ZFPM2: variants seen among roughly 807,000 people sequenced by gnomAD.
ZFPM2 encodes zinc finger protein ZFPM2.
ZFPM2 carries 20 observed loss-of-function variants against 98.6 expected under a neutral mutation model. The ratio of observed to expected loss-of-function variants is 0.20; its 90% CI spans 0.14 to 0.29. The LOEUF (loss-of-function observed/expected upper bound fraction) is 0.29. ZFPM2 is among the 10% of genes least tolerant of loss of function. ZFPM2 has a pLI of 1.00. For missense variants in ZFPM2, 1,310 were observed against 1,388.6 expected, an observed-to-expected ratio of 0.94 and a Z score of 0.90; for synonymous variants, 518 against 502.7, an observed-to-expected ratio of 1.03 and a Z score of -0.41.
At chr8:105,584,327 T>C (rs893102233) in intron 4 of ZFPM2, among the ~76,000 whole-genome samples, 1 of 152,120 alleles carries the variant, frequency 6.6e-6, no homozygotes, top group African/African-American at 2.4e-5. Flanking sequence ...GGCCTTTATA[T>C]CCACAACAAA....
At chr8:105,657,775 A>C (rs1431289148) in intron 5 of ZFPM2, among the ~76,000 whole-genome samples, 1 of 152,232 alleles carries the variant, frequency 6.6e-6, no homozygotes, top group Non-Finnish European at 1.5e-5. Flanking sequence ...GGATAGAGTC[A>C]TAATTTGGAT....
intron 3 of ZFPM2, among the ~76,000 whole-genome samples, chr8:105,446,533 G>A (rs755904028): frequency 1.3e-5 from 2 of 152,230 alleles, no homozygotes; most frequent in Middle Eastern, 3.4e-3. Flanking sequence ...TAATAAAAGA[G>A]GGGGAGAGAA....
At chr8:105,698,591 A>T (rs1357045785) in intron 5 of ZFPM2, among the ~76,000 whole-genome samples, 2 of 152,176 alleles carry the variant, frequency 1.3e-5, no homozygotes, top group African/African-American at 4.8e-5. Context: ...TTATTTTAGT[A>T]GAAATAGTCC....
chr8:105,742,251 G>A (rs929309823), intron 5 of ZFPM2, among the ~76,000 whole-genome samples: 1 of 151,770 alleles, frequency 6.6e-6, no homozygotes, highest in Non-Finnish European at 1.5e-5. Context: ...GGTGGCGCAT[G>A]CTTATAGTCC....
intron 6 of ZFPM2, among the ~76,000 whole-genome samples, chr8:105,791,166 G>A (rs1813598164): frequency 6.6e-6 from 1 of 152,124 alleles, no homozygotes; most frequent in Non-Finnish European, 1.5e-5. Context: ...CCTGTCTTGT[G>A]CCAGTTTTCA....
chr8:105,394,952 C>T (rs1377270618), intron 1 of ZFPM2, among the ~76,000 whole-genome samples: 1 of 152,164 alleles, frequency 6.6e-6, no homozygotes, highest in Non-Finnish European at 1.5e-5. Flanking sequence ...ATGTGTCAAA[C>T]AGTCTTTTCT....
At chr8:105,390,168 C>T (rs1478406799) in intron 1 of ZFPM2, among the ~76,000 whole-genome samples, 1 of 152,084 alleles carries the variant, frequency 6.6e-6, no homozygotes, top group African/African-American at 2.4e-5. Flanking sequence ...TAAGATTGTT[C>T]TTGTCAGATA....
intron 3 of ZFPM2, among the ~76,000 whole-genome samples, chr8:105,459,512 A>G (rs1812663969): frequency 6.6e-6 from 1 of 152,172 alleles, no homozygotes; most frequent in African/African-American, 2.4e-5. Context: ...CCCATAATGT[A>G]ATACCACAGA....
intron 5 of ZFPM2, among the ~76,000 whole-genome samples, chr8:105,715,306 AGGAG>A (rs1302358028): frequency 6.6e-6 from 1 of 151,616 alleles, no homozygotes; most frequent in African/African-American, 2.4e-5. Flanking sequence ...AGGCTGAGAC[AGGAG>A]GATCGCTTAA....
chr8:105,672,631 A>C lies in ZFPM2; in HGVS notation c.532+38274A>C, dbSNP rs1231758866. Reference sequence around the variant, plus strand: ...TTGATCATCTTTCTCATGACTTTACAATTATTGTTGTTGTTTCCTGCCTTA... The same window carrying C: ...TTGATCATCTTTCTCATGACTTTACCATTATTGTTGTTGTTTCCTGCCTTA... On this transcript the variant is annotated intron_variant, in intron 5 of 7. Coordinates refer to ENST00000407775, the MANE Select transcript of ZFPM2 (RefSeq NM_012082.4). 2.0e-5 allele frequency among the ~76,000 whole-genome samples: 3 copies of C among 152,208 alleles called. No homozygotes were observed. The East Asian group carries it at 5.8e-4, about 29-fold the overall frequency.
intron 5 of ZFPM2, among the ~76,000 whole-genome samples, chr8:105,689,142 A>G (rs1810817024): frequency 6.6e-6 from 1 of 151,940 alleles, no homozygotes; most frequent in Non-Finnish European, 1.5e-5. Context: ...CTTCCTTCCT[A>G]TCTCAATCAC....
intron 5 of ZFPM2, among the ~76,000 whole-genome samples, chr8:105,683,926 G>A (rs1275629303): frequency 6.6e-6 from 1 of 152,146 alleles, no homozygotes; most frequent in African/African-American, 2.4e-5. Context: ...TCAGTACATG[G>A]CAGGTGTCTG....
Position 105,568,621 on chromosome 8 carries a change from C to T in ZFPM2, c.420+7140C>T, listed in dbSNP as rs559255843. Among the ~76,000 whole-genome samples, 24 of 152,216 alleles carry T rather than the reference C, an allele frequency of 1.6e-4. No individual in the cohort carries two copies. The East Asian group carries it at 3.9e-3, about 25-fold the overall frequency. Reference sequence around the variant, plus strand: ...TCTGTCCTGCTACCACTGCTTTAGTCGAAAGCCCCACCGCTTCTCTCTTGA... The same window carrying T: ...TCTGTCCTGCTACCACTGCTTTAGTTGAAAGCCCCACCGCTTCTCTCTTGA... On this transcript the variant is annotated intron_variant, in intron 4 of 7. Coordinates refer to ENST00000407775, the MANE Select transcript of ZFPM2 (RefSeq NM_012082.4).
chr8:105,429,530 T>G (rs2130133106), intron 2 of ZFPM2, among the ~76,000 whole-genome samples: 1 of 151,546 alleles, frequency 6.6e-6, no homozygotes, highest in African/African-American at 2.4e-5. Context: ...TTCCTTATGG[T>G]AATGTGCATC....
chr8:105,407,031 T>G (rs189421799), intron 1 of ZFPM2, among the ~76,000 whole-genome samples: 1 of 151,758 alleles, frequency 6.6e-6, no homozygotes, highest in Non-Finnish European at 1.5e-5. Context: ...TGAATGAGTA[T>G]TTCCTTCCTT....
chr8:105,719,355 A>G (rs1811600808), intron 5 of ZFPM2, among the ~76,000 whole-genome samples: 1 of 151,082 alleles, frequency 6.6e-6, no homozygotes, highest in South Asian at 2.1e-4. Context: ...CACGCAATAC[A>G]CACACACACA....
intron 3 of ZFPM2, among the ~76,000 whole-genome samples, chr8:105,444,676 A>C (rs190582352): frequency 3.0e-4 from 45 of 152,262 alleles, no homozygotes; most frequent in Admixed American, 1.9e-3. Context: ...GCTACATCCA[A>C]ATTTAAATTG....
chr8:105,683,776 G>C (rs1329186129), intron 5 of ZFPM2, among the ~76,000 whole-genome samples: 2 of 152,072 alleles, frequency 1.3e-5, no homozygotes, highest in Non-Finnish European at 2.9e-5. Flanking sequence ...CTCTTTCTCT[G>C]ACTTTCTAAA....
intron 5 of ZFPM2, chr8:105,785,168 A>T (rs1813376554): frequency 6.6e-6 from 1 of 152,060 alleles, no homozygotes; most frequent in African/African-American, 2.4e-5. Context: ...CACTTCCAAA[A>T]TATTTTTTTT....
Sources: gnomAD v4.1 joint callset for allele counts (sites outside exome capture counted in the v4.1 genomes callset) on GRCh38, gnomAD v4.1.1 for gene constraint, MANE v1.5 for transcripts, NCBI Gene and HGNC (gene_info 2026-07-23, HGNC 2026-07-21) for gene names.